Variants in NRSN1 observed in about 807,000 individuals in gnomAD.
NRSN1 encodes the protein neurensin-1.
Under a neutral mutation model 17.3 loss-of-function variants are expected in NRSN1, and 14 were observed. The ratio of observed to expected loss-of-function variants is 0.81; its 90% CI spans 0.54 to 1.27. The LOEUF is 1.27. NRSN1 is among the 50% of genes most tolerant of loss of function. NRSN1 has a pLI of 0.00. For missense variants in NRSN1, 209 were observed against 235.9 expected (o/e 0.89, Z 0.75); for synonymous variants, 79 against 94.2 (o/e 0.84, Z 0.93).
rs536453320 is a variant in NRSN1 at position 24,146,941 on chromosome 6, C to T, written c.*995C>T. On this transcript the variant is annotated 3_prime_UTR_variant, in exon 4 of 4. Coordinates refer to ENST00000378491, the MANE Select transcript of NRSN1 (RefSeq NM_080723.5). ...TTCTGGATCACAATATGTCTGGGCTCTCATTACCCAAACATCTGAGATTCC... is the reference window on the plus strand; with the variant it reads ...TTCTGGATCACAATATGTCTGGGCTTTCATTACCCAAACATCTGAGATTCC... 7.9e-5 allele frequency: 12 copies of T among 152,220 alleles called. No homozygotes were observed. In the South Asian group the frequency reaches 2.3e-3, roughly 29 times the overall value. The allele number at this position is 152,220 out of a possible 1,614,324, so 9.4% of individuals were successfully genotyped here.
At chr6:24,144,285 T>C (rs948433796) in intron 3 of NRSN1, among the ~76,000 whole-genome samples, 6 of 152,158 alleles carry the variant, frequency 3.9e-5, no homozygotes, top group African/African-American at 1.4e-4. Flanking sequence ...GCCATTAAGG[T>C]TCCTTCTCTG....
chr6:24,139,247 G>A (rs1292114636), intron 3 of NRSN1, among the ~76,000 whole-genome samples: 1 of 152,118 alleles, frequency 6.6e-6, no homozygotes, highest in African/African-American at 2.4e-5. Flanking sequence ...AATGTCCTGT[G>A]GAAGACTACT....
chr6:24,137,550 A>G (rs918788116), intron 3 of NRSN1, among the ~76,000 whole-genome samples: 21 of 151,754 alleles, frequency 1.4e-4, no homozygotes, highest in South Asian at 4.2e-4. Context: ...TTATTATTAC[A>G]CTTTAAGTTT....
intron 2 of NRSN1, among the ~76,000 whole-genome samples, chr6:24,134,040 G>T (rs1157460526): frequency 4.0e-5 from 6 of 151,004 alleles, no homozygotes; most frequent in Non-Finnish European, 7.4e-5. Flanking sequence ...GTGTGTGTGT[G>T]TTTTTAGTAG....
At chr6:24,139,515 A>T (rs1023710808) in intron 3 of NRSN1, among the ~76,000 whole-genome samples, 2 of 152,208 alleles carry the variant, frequency 1.3e-5, no homozygotes, top group Non-Finnish European at 2.9e-5. Flanking sequence ...GATGGGAAGA[A>T]CGCAAATAGA....
intron 3 of NRSN1, among the ~76,000 whole-genome samples, chr6:24,135,677 A>T (rs756718391): frequency 6.6e-6 from 1 of 152,236 alleles, no homozygotes; most frequent in Non-Finnish European, 1.5e-5. Context: ...CCTATTAGAC[A>T]TCGGAGTAGT....
intron 2 of NRSN1, among the ~76,000 whole-genome samples, chr6:24,132,341 C>T (rs1476831659): frequency 6.6e-6 from 1 of 152,156 alleles, no homozygotes; most frequent in Non-Finnish European, 1.5e-5. Context: ...TTTGATGGGA[C>T]TGTAGATCGA....
chr6:24,130,583 T>C (rs1008202102), intron 2 of NRSN1, among the ~76,000 whole-genome samples: 1 of 152,184 alleles, frequency 6.6e-6, no homozygotes, highest in African/African-American at 2.4e-5. Flanking sequence ...GTGATACCTG[T>C]CAGACCCTCG....
intron 1 of NRSN1, among the ~76,000 whole-genome samples, chr6:24,127,813 C>A (rs1179302985): frequency 6.6e-6 from 1 of 151,816 alleles, no homozygotes; most frequent in Non-Finnish European, 1.5e-5. Flanking sequence ...AATGGACCAG[C>A]CTATTTGGAA....
intron 3 of NRSN1, among the ~76,000 whole-genome samples, chr6:24,137,982 T>C (rs1026158288): frequency 6.6e-6 from 1 of 151,952 alleles, no homozygotes; most frequent in Non-Finnish European, 1.5e-5. Context: ...GTGGCTGGGG[T>C]AAATGTTCAA....
intron 3 of NRSN1, among the ~76,000 whole-genome samples, chr6:24,137,669 C>T (rs1374966569): frequency 6.6e-6 from 1 of 152,076 alleles, no homozygotes; most frequent in Non-Finnish European, 1.5e-5. Flanking sequence ...TCTCCTAATG[C>T]TATCCCTCCC....
chr6:24,138,908 T>C (rs1286779483), intron 3 of NRSN1, among the ~76,000 whole-genome samples: 1 of 152,226 alleles, frequency 6.6e-6, no homozygotes, highest in Non-Finnish European at 1.5e-5. Flanking sequence ...TTGAAATACA[T>C]ATATATTGTG....
rs115955150 is a variant in NRSN1 at position 24,134,856 on chromosome 6, G to A, written c.189+340G>A. Among the ~76,000 whole-genome samples the A allele has an allele frequency of 3.2e-3, 493 of 152,238 alleles. 1 individual carries two copies. The highest frequency in any genetic ancestry group is 0.011 in the African/African-American group (441 of 41,564). On this transcript the variant is annotated intron_variant, in intron 3 of 3. Transcript: ENST00000378491. ...TATTCTTTCAGCCTTCCTTACAGGC[G>A]TGGTAAGTATCATCTGACAAGTTGC...
intron 3 of NRSN1, among the ~76,000 whole-genome samples, chr6:24,142,104 A>G (rs575129178): frequency 2.7e-4 from 40 of 150,668 alleles, no homozygotes; most frequent in African/African-American, 8.5e-4. Context: ...ACTTGCCACC[A>G]TTTTTAGAAA....
rs1254921943 is a variant in NRSN1 at position 24,147,497 on chromosome 6, C to T, written c.*1551C>T. ...GACTGAATAAGCTCTGATGTTTCCC[C>T]GGCTAAATGGAAGAATAAATGAAGC... is the stretch of plus-strand genomic sequence containing the variant. On this transcript the variant is annotated 3_prime_UTR_variant, in exon 4 of 4. Transcript: ENST00000378491. The T allele has an allele frequency of 5.9e-5, 9 of 152,086 alleles. No individual in the cohort carries two copies. Among genetic ancestry groups the T allele is most frequent in the Admixed American group, 2.6e-4 (4 of 15,278 alleles). 9.4% of individuals were successfully genotyped at this position (152,086 alleles called of 1,614,324 possible). A position where few individuals can be genotyped will look rare whatever the true frequency, so the allele number is the denominator to read the frequency against.
At chr6:24,131,114 C>T (rs1428318331) in intron 2 of NRSN1, among the ~76,000 whole-genome samples, 1 of 152,174 alleles carries the variant, frequency 6.6e-6, no homozygotes, top group Non-Finnish European at 1.5e-5. Context: ...GCTGACATAG[C>T]TAAAAATCCA....
At chr6:24,139,582 T>C (rs1760169779) in intron 3 of NRSN1, among the ~76,000 whole-genome samples, 1 of 152,134 alleles carries the variant, frequency 6.6e-6, no homozygotes, top group South Asian at 2.1e-4. Context: ...TTGAGGAGTG[T>C]TTGGGACATT....
Position 24,145,710 on chromosome 6 carries a change from G to T in NRSN1, c.352G>T (p.Ala118Ser). 9 of 1,614,232 alleles carry T rather than the reference G, an allele frequency of 5.6e-6. No individual in the cohort carries two copies. Among genetic ancestry groups the T allele is most frequent in the Non-Finnish European group, 7.6e-6 (9 of 1,180,030 alleles). ...FNSALDMYKLAGAVLFCIGGT... is the reference protein window; with the variant it reads ...FNSALDMYKLSGAVLFCIGGT... ...CAGTGCTCTGGACATGTACAAGCTGGCAGGAGCTGTTCTCTTCTGCATTGG... is the reference window on the plus strand; with the variant it reads ...CAGTGCTCTGGACATGTACAAGCTGTCAGGAGCTGTTCTCTTCTGCATTGG... The change falls in exon 4 of 4, where the codon GCA becomes TCA. Residue 118 changes from alanine to serine, a missense_variant. Ala to Ser is a moderately conservative substitution (Grantham distance 99, BLOSUM62 1). Transcript: ENST00000378491. The surrounding 1 kb of genome is among the most constrained non-coding windows in gnomAD (Gnocchi z 4.4).
chr6:24,146,412 C>G lies in NRSN1; in HGVS notation c.*466C>G. 1 of 382,866 alleles carries G rather than the reference C, an allele frequency of 2.6e-6. No individual in the cohort carries two copies. The highest frequency in any genetic ancestry group is 7.3e-5 in the East Asian group (1 of 13,682). The allele number at this position is 382,866 out of a possible 1,614,324, so 23.7% of individuals were successfully genotyped here. On this transcript the variant is annotated 3_prime_UTR_variant, in exon 4 of 4. Transcript: ENST00000378491. ...TGTGTTCATAGAAACATGGAATTCTCTGATTTTGAGCCGAACATGAGTTTT... is the reference window on the plus strand; with the variant it reads ...TGTGTTCATAGAAACATGGAATTCTGTGATTTTGAGCCGAACATGAGTTTT...
Sources: allele counts gnomAD v4.1 joint callset (sites outside exome capture counted in the v4.1 genomes callset), GRCh38; gene constraint gnomAD v4.1.1; non-coding constraint Gnocchi (gnomAD v3.1); transcripts MANE v1.5; gene names NCBI Gene and HGNC (gene_info 2026-07-23, HGNC 2026-07-21).